Variants in PAFAH1B2 observed in about 807,000 individuals in gnomAD.
PAFAH1B2 encodes the protein platelet activating factor acetylhydrolase 1b catalytic subunit 2, also known as platelet-activating factor acetylhydrolase IB subunit alpha2.
PAFAH1B2 carries 8 observed loss-of-function variants against 28.0 expected under a neutral mutation model. That is an observed-to-expected ratio of 0.29 (90% confidence interval 0.17 to 0.52). The LOEUF (loss-of-function observed/expected upper bound fraction) is 0.52. Among genes scored for constraint, PAFAH1B2 ranks in the 20% least tolerant of loss-of-function variants. The pLI, the probability that PAFAH1B2 is intolerant of heterozygous loss-of-function variation, is 0.97. For missense variants in PAFAH1B2, 190 were observed against 282.6 expected (o/e 0.67, Z 2.35); for synonymous variants, 104 against 103.2 (o/e 1.01, Z -0.05).
chr11:117,164,123 C>T (rs958073387), intron 5 of PAFAH1B2: 9 of 361,096 alleles, frequency 2.5e-5, no homozygotes, highest in South Asian at 4.0e-5. Flanking sequence ...GTATGGAAGC[C>T]GTGGCCAGGC....
downstream of PAFAH1B2, among the ~76,000 whole-genome samples, chr11:117,174,518 C>T (rs1956738584): frequency 3.5e-5 from 5 of 144,252 alleles, no homozygotes; most frequent in South Asian, 2.2e-4. Context: ...GTGTTTCACT[C>T]GTTGCCCAGG....
In PAFAH1B2 at chr11:117,167,421, G is replaced by A. The variant is rs1272178478; in HGVS notation, c.412G>A (p.Gly138Ser). ...RQPQAKIIVL[G>S]LLPRGEKPNP... is the part of the protein sequence containing the mutation. Reference sequence around the variant, plus strand: ...TTTAATGTTTTCCACTGTGCCCCAGGGTTTGTTACCTCGAGGTGAGAAACC... The same window carrying A: ...TTTAATGTTTTCCACTGTGCCCCAGAGTTTGTTACCTCGAGGTGAGAAACC... The change falls in exon 6 of 6, where the codon GGT becomes AGT. Residue 138 changes from glycine to serine, a missense_variant and splice_region_variant. Gly to Ser is a moderately conservative substitution (Grantham distance 56, BLOSUM62 0). Transcript: ENST00000527958. The A allele has an allele frequency of 3.2e-6, 5 of 1,576,994 alleles. No homozygotes were observed. Among genetic ancestry groups the A allele is most frequent in the Non-Finnish European group, 4.3e-6 (5 of 1,153,980 alleles).
In PAFAH1B2 at chr11:117,160,531, G is replaced by T. The variant is rs546254030; in HGVS notation, c.171+508G>T. Among the ~76,000 whole-genome samples the T allele has an allele frequency of 1.4e-4, 21 of 152,184 alleles. No homozygotes were observed. The South Asian group carries it at 4.1e-3, about 30-fold the overall frequency. ...CAGTCCCGCTCCATCGTCGAGGCTG[G>T]AGTGCAGTGGCACAATCTCAGGCTC... On this transcript the variant is annotated intron_variant, in intron 3 of 5. Coordinates refer to ENST00000527958, the MANE Select transcript of PAFAH1B2 (RefSeq NM_002572.4).
intron 2 of PAFAH1B2, 80 bp downstream of exon 2, chr11:117,152,608 A>T: frequency 3.0e-6 from 3 of 997,518 alleles, no homozygotes; most frequent in Non-Finnish European, 4.8e-6. Context: ...TTTTGAGACA[A>T]GGTCTCACTG....
Position 117,169,268 on chromosome 11 carries a change from T to G in PAFAH1B2, c.*1569T>G, listed in dbSNP as rs1956590640. 6.7e-6 allele frequency: 7 copies of G among 1,039,224 alleles called. No homozygotes were observed. In the African/African-American group the frequency reaches 1.2e-4, roughly 17 times the overall value. 64.4% of individuals were successfully genotyped at this position (1,039,224 alleles called of 1,614,324 possible). On this transcript the variant is annotated 3_prime_UTR_variant, in exon 6 of 6. Coordinates refer to ENST00000527958, the MANE Select transcript of PAFAH1B2 (RefSeq NM_002572.4). ...TACTTCATCTGAGAATTTGTTGATC[T>G]TAATGTTCGAGCTATATAAGAACTG...
intron 2 of PAFAH1B2, among the ~76,000 whole-genome samples, chr11:117,154,705 A>G (rs996052405): frequency 1.3e-5 from 2 of 152,132 alleles, no homozygotes; most frequent in African/African-American, 4.8e-5. Context: ...CAGCCTCCCA[A>G]AGTGTTGGGA....
Position 117,168,603 on chromosome 11 carries a change from T to C in PAFAH1B2, c.*904T>C, listed in dbSNP as rs1956575275. 4.7e-6 allele frequency: 5 copies of C among 1,063,612 alleles called. No homozygotes were observed. The East Asian group carries it at 2.5e-4, about 53-fold the overall frequency. 65.9% of individuals were successfully genotyped at this position (1,063,612 alleles called of 1,614,324 possible). A position where few individuals can be genotyped will look rare whatever the true frequency, so the allele number is the denominator to read the frequency against. On this transcript the variant is annotated 3_prime_UTR_variant, in exon 6 of 6. Coordinates refer to ENST00000527958, the MANE Select transcript of PAFAH1B2 (RefSeq NM_002572.4). ...CTCATTCTTGTGTGGTGTTCTGTGCTATAGATTCTGTGTATTGCTGTTCAT... is the reference window on the plus strand; with the variant it reads ...CTCATTCTTGTGTGGTGTTCTGTGCCATAGATTCTGTGTATTGCTGTTCAT...
In PAFAH1B2 at chr11:117,170,967, T is replaced by G; in HGVS notation, c.*3268T>G. The stretch of plus-strand genomic sequence containing the variant: ...CCCCATTGGAAGTTTGTGATTTTGC[T>G]TTGGCAAAGTTTCATTGACTAGTAG... On this transcript the variant is annotated 3_prime_UTR_variant, in exon 6 of 6. Transcript: ENST00000527958. 9.5e-7 allele frequency: 1 copy of G among 1,051,912 alleles called. No homozygotes were observed. The highest frequency in any genetic ancestry group is 1.1e-6 in the Non-Finnish European group (1 of 870,814). 65.2% of individuals were successfully genotyped at this position (1,051,912 alleles called of 1,614,324 possible).
At position 117,161,201 on chromosome 11, in the gene PAFAH1B2, T is replaced by TA. The variant is rs1007430964; in HGVS notation, c.229dup (p.Thr77AsnfsTer18). ...CACTGAATTTTGGAATTGGGGGAGA[T>TA]ACAACAAGACATGTTTTGTGGAGAC... On this transcript the variant is annotated frameshift_variant, in exon 4 of 6. Coordinates refer to ENST00000527958, the MANE Select transcript of PAFAH1B2 (RefSeq NM_002572.4). LOFTEE classifies it high-confidence loss of function. The TA allele has an allele frequency of 6.3e-7, 1 of 1,597,338 alleles. No individual in the cohort carries two copies. The highest frequency in any genetic ancestry group is 1.4e-5 in the African/African-American group (1 of 73,612).
intron 2 of PAFAH1B2, among the ~76,000 whole-genome samples, chr11:117,153,492 G>C (rs920423857): frequency 6.6e-6 from 1 of 152,108 alleles, no homozygotes; most frequent in Non-Finnish European, 1.5e-5. Flanking sequence ...CTGGGTTCAA[G>C]ATATTCTTGT....
At chr11:117,149,430 G>GTTCTTTTTTTTTTTTT (rs1555027905) in intron 1 of PAFAH1B2, among the ~76,000 whole-genome samples, 5 of 86,050 alleles carry the variant, frequency 5.8e-5, no homozygotes, top group Non-Finnish European at 8.6e-5. Context: ...TTTTCTAATC[G>GTTCTTTTTTTTTTTTT]TTTTTTTTTT....
downstream of PAFAH1B2, among the ~76,000 whole-genome samples, chr11:117,171,251 T>C (rs1217343961): frequency 6.6e-6 from 1 of 152,166 alleles, no homozygotes; most frequent in East Asian, 1.9e-4. Context: ...TAAGGACCCC[T>C]CAGAAAGCAC....
At position 117,167,412 on chromosome 11, in the gene PAFAH1B2, G is replaced by A. The variant is rs769237785; in HGVS notation, c.412-9G>A. ...ATCTTCTAATTTAATGTTTTCCACT[G>A]TGCCCCAGGGTTTGTTACCTCGAGG... On this transcript the variant is annotated splice_polypyrimidine_tract_variant and intron_variant, in intron 5 of 5. Coordinates refer to ENST00000527958, the MANE Select transcript of PAFAH1B2 (RefSeq NM_002572.4). 1.3e-6 allele frequency: 2 copies of A among 1,559,654 alleles called. No homozygotes were observed. Among genetic ancestry groups the A allele is most frequent in the African/African-American group, 1.4e-5 (1 of 73,418 alleles).
chr11:117,169,556 T>C lies in PAFAH1B2; in HGVS notation c.*1857T>C. On this transcript the variant is annotated 3_prime_UTR_variant, in exon 6 of 6. Transcript: ENST00000527958. ...GAGGGATGAACCTTGGGCTCATTTT[T>C]TTCTTGTGAAGTCTCTTTCTAGAAA... The C allele has an allele frequency of 9.5e-7, 1 of 1,056,288 alleles. No individual in the cohort carries two copies. The highest frequency in any genetic ancestry group is 1.1e-6 in the Non-Finnish European group (1 of 873,626). 65.4% of individuals were successfully genotyped at this position (1,056,288 alleles called of 1,614,324 possible). A position where few individuals can be genotyped will look rare whatever the true frequency, so the allele number is the denominator to read the frequency against.
chr11:117,166,626 A>C (rs780084440), intron 5 of PAFAH1B2, among the ~76,000 whole-genome samples: 4 of 152,176 alleles, frequency 2.6e-5, no homozygotes, highest in African/African-American at 4.8e-5. Context: ...TATCTATGCA[A>C]TTGGAAAAGG....
In PAFAH1B2 at chr11:117,171,044, A is replaced by T; in HGVS notation, c.*3345A>T. On this transcript the variant is annotated 3_prime_UTR_variant, in exon 6 of 6. Transcript: ENST00000527958. Reference sequence around the variant, plus strand: ...CAATATAAATGTAAACATTTTGCTCAATTTGCTGGTGTCTTTCTGTCTCCT... The same window carrying T: ...CAATATAAATGTAAACATTTTGCTCTATTTGCTGGTGTCTTTCTGTCTCCT... 1 of 1,029,450 alleles carries T rather than the reference A, an allele frequency of 9.7e-7. No homozygotes were observed. Among genetic ancestry groups the T allele is most frequent in the Non-Finnish European group, 1.2e-6 (1 of 856,418 alleles). The allele number at this position is 1,029,450 out of a possible 1,614,324, so 63.8% of individuals were successfully genotyped here. A position where few individuals can be genotyped will look rare whatever the true frequency, so the allele number is the denominator to read the frequency against.
At chr11:117,175,609 T>G, downstream of PAFAH1B2, 1 of 1,202,414 alleles carries the variant, frequency 8.3e-7, no homozygotes, top group Non-Finnish European at 1.0e-6. Flanking sequence ...CCACAGTTGT[T>G]TGGTTCCAGA....
At chr11:117,153,819 A>G (rs921911510) in intron 2 of PAFAH1B2, among the ~76,000 whole-genome samples, 2 of 152,168 alleles carry the variant, frequency 1.3e-5, no homozygotes, top group African/African-American at 4.8e-5. Flanking sequence ...TTAAATAACT[A>G]TAGGATAGTT....
At chr11:117,166,663 T>C (rs1956518141) in intron 5 of PAFAH1B2, among the ~76,000 whole-genome samples, 1 of 152,182 alleles carries the variant, frequency 6.6e-6, no homozygotes, top group South Asian at 2.1e-4. Context: ...ATTAAAACAG[T>C]TATTCCAGGG....
Sources: gnomAD v4.1 joint callset for allele counts (sites outside exome capture counted in the v4.1 genomes callset) on GRCh38, gnomAD v4.1.1 for gene constraint, MANE v1.5 for transcripts, NCBI Gene and HGNC (gene_info 2026-07-23, HGNC 2026-07-21) for gene names.